CDH13: variants seen among roughly 807,000 people sequenced by gnomAD.
CDH13 encodes cadherin-13.
CDH13 carries 24 observed loss-of-function variants against 63.8 expected under a neutral mutation model. The ratio of observed to expected loss-of-function variants is 0.38; its 90% CI spans 0.27 to 0.53. The LOEUF is 0.53. Ranked by LOEUF, CDH13 falls within the 20% of genes least tolerant of loss-of-function variation. CDH13 has a pLI of 0.85. For synonymous variants in CDH13, 503 were observed against 355.3 expected, an observed-to-expected ratio of 1.42 and a Z score of -4.67; for missense variants, 1,049 against 903.1, an observed-to-expected ratio of 1.16 and a Z score of -2.07.
chr16:83,026,282 C>T (rs1915791552), intron 2 of CDH13, among the ~76,000 whole-genome samples: 1 of 152,150 alleles, frequency 6.6e-6, no homozygotes, highest in South Asian at 2.1e-4. Flanking sequence ...AGCAGATGTG[C>T]CCAGAGCTTG....
intron 3 of CDH13, among the ~76,000 whole-genome samples, chr16:83,035,200 C>T (rs566574458): frequency 8.7e-4 from 133 of 152,278 alleles, no homozygotes; most frequent in African/African-American, 3.1e-3. Flanking sequence ...TTTGCAGGTC[C>T]TACTGTGTGC....
chr16:83,762,507 C>A (rs144801989), intron 11 of CDH13, among the ~76,000 whole-genome samples: 1 of 152,140 alleles, frequency 6.6e-6, no homozygotes, highest in African/African-American at 2.4e-5. Flanking sequence ...TTAGCACTGG[C>A]CAAATCCCAG....
intron 3 of CDH13, among the ~76,000 whole-genome samples, chr16:83,111,097 G>A (rs1250028584): frequency 4.0e-5 from 6 of 151,466 alleles, no homozygotes; most frequent in African/African-American, 7.3e-5. Context: ...GCGTGAACCC[G>A]GGAGGCGGAG....
chr16:82,906,345 A>G (rs2041647610), intron 2 of CDH13, among the ~76,000 whole-genome samples: 1 of 152,032 alleles, frequency 6.6e-6, no homozygotes, highest in South Asian at 2.1e-4. Context: ...CTTAGTCCCC[A>G]TTTCTCTGGT....
At chr16:83,448,782 G>C (rs758375021) in intron 6 of CDH13, among the ~76,000 whole-genome samples, 6 of 152,156 alleles carry the variant, frequency 3.9e-5, no homozygotes, top group African/African-American at 1.4e-4. Context: ...GAAAGGAATA[G>C]AAAATAGAGA....
intron 2 of CDH13, among the ~76,000 whole-genome samples, chr16:82,935,838 G>C (rs1159028258): frequency 6.6e-6 from 1 of 152,118 alleles, no homozygotes; most frequent in Non-Finnish European, 1.5e-5. Context: ...TAGGAGTGGA[G>C]GTTTAACACG....
chr16:83,308,250 A>C (rs796705459), intron 5 of CDH13, among the ~76,000 whole-genome samples: 2 of 152,176 alleles, frequency 1.3e-5, no homozygotes, highest in African/African-American at 4.8e-5. Flanking sequence ...CCAAACATAT[A>C]TTTTGTGCTT....
At chr16:83,786,417 C>T (rs941458494) in intron 13 of CDH13, among the ~76,000 whole-genome samples, 2 of 152,076 alleles carry the variant, frequency 1.3e-5, no homozygotes, top group Admixed American at 6.6e-5. Flanking sequence ...TTCATTTGTG[C>T]TCTAGATTAC....
chr16:82,627,054 A>T lies in CDH13; in HGVS notation c.-39A>T. On this transcript the variant is annotated 5_prime_UTR_variant, in exon 1 of 14. The change abolishes an upstream ATG in the 5' untranslated region. Coordinates refer to ENST00000567109, the MANE Select transcript of CDH13 (RefSeq NM_001257.5). Reference sequence around the variant, plus strand: ...AAATATGCTCAGTGCAGCCGCGTGCATGAATGAAAACGCCGCCGGGCGCTT... The same window carrying T: ...AAATATGCTCAGTGCAGCCGCGTGCTTGAATGAAAACGCCGCCGGGCGCTT... The T allele has an allele frequency of 6.3e-7, 1 of 1,577,116 alleles. No homozygotes were observed. The highest frequency in any genetic ancestry group is 8.6e-7 in the Non-Finnish European group (1 of 1,161,196).
intron 5 of CDH13, among the ~76,000 whole-genome samples, chr16:83,249,876 A>T (rs1382170795): frequency 6.6e-6 from 1 of 152,244 alleles, no homozygotes; most frequent in Non-Finnish European, 1.5e-5. Flanking sequence ...TGTTTGGATG[A>T]TAGCTTCTCA....
intron 3 of CDH13, among the ~76,000 whole-genome samples, chr16:83,036,341 G>A (rs918565972): frequency 5.9e-5 from 9 of 151,838 alleles, no homozygotes; most frequent in African/African-American, 2.2e-4. Flanking sequence ...GTAGAGATGG[G>A]ATTTCACCGT....
At chr16:83,744,572 C>G (rs1046460426) in intron 10 of CDH13, among the ~76,000 whole-genome samples, 1 of 152,238 alleles carries the variant, frequency 6.6e-6, no homozygotes, top group Non-Finnish European at 1.5e-5. Context: ...TTCCCCTAGG[C>G]TCTGCTGAGT....
chr16:83,680,857 C>T (rs988131399), intron 10 of CDH13, among the ~76,000 whole-genome samples: 7 of 152,016 alleles, frequency 4.6e-5, no homozygotes, highest in Non-Finnish European at 5.9e-5. Flanking sequence ...CAAAGGCCTC[C>T]AGCATGATGG....
At chr16:83,528,603 T>G (rs2075014080) in intron 7 of CDH13, among the ~76,000 whole-genome samples, 1 of 152,172 alleles carries the variant, frequency 6.6e-6, no homozygotes, top group South Asian at 2.1e-4. Flanking sequence ...ACTATAAATA[T>G]TAGATCATCT....
intron 2 of CDH13, among the ~76,000 whole-genome samples, chr16:82,952,461 C>T (rs72790162): frequency 0.028 from 4,247 of 152,280 alleles, 65 homozygotes; most frequent in African/African-American, 0.047. Context: ...TATCCTCTTG[C>T]CTAGAGCAGT....
At chr16:82,956,543 C>T (rs1906132814) in intron 2 of CDH13, among the ~76,000 whole-genome samples, 2 of 152,154 alleles carry the variant, frequency 1.3e-5, no homozygotes, top group African/African-American at 2.4e-5. Flanking sequence ...GTATATCCTG[C>T]CACACCCTTT....
chr16:83,355,671 A>T (rs1270837556), intron 6 of CDH13, among the ~76,000 whole-genome samples: 1 of 152,146 alleles, frequency 6.6e-6, no homozygotes, highest in African/African-American at 2.4e-5. Flanking sequence ...TTTAATGAGG[A>T]TGGGGTTGGA....
intron 5 of CDH13, among the ~76,000 whole-genome samples, chr16:83,276,673 A>T (rs1398344701): frequency 6.6e-6 from 1 of 152,100 alleles, no homozygotes; most frequent in Non-Finnish European, 1.5e-5. Flanking sequence ...GATCGAGACC[A>T]TCCTGGCTAA....
chr16:82,944,126 A>C (rs1382777076), intron 2 of CDH13, among the ~76,000 whole-genome samples: 1 of 152,200 alleles, frequency 6.6e-6, no homozygotes, highest in Admixed American at 6.5e-5. Context: ...CTGTCATTAG[A>C]GATCAGGAGA....
Sources: gnomAD v4.1 joint callset for allele counts (sites outside exome capture counted in the v4.1 genomes callset) on GRCh38, gnomAD v4.1.1 for gene constraint, MANE v1.5 for transcripts, NCBI Gene and HGNC (gene_info 2026-07-23, HGNC 2026-07-21) for gene names.